SLF1: variants seen among roughly 807,000 people sequenced by gnomAD.
SLF1 encodes the protein SMC5-SMC6 complex localization factor protein 1.
SLF1 carries 105 observed loss-of-function variants against 123.0 expected under a neutral mutation model. That is an observed-to-expected ratio of 0.85 (90% confidence interval 0.73 to 1.00). SLF1 has a LOEUF of 1.00. Among genes scored for constraint, SLF1 ranks in the 50% least tolerant of loss-of-function variants. The pLI is 0.00. For synonymous variants in SLF1, 434 were observed against 406.6 expected (o/e 1.07, Z -0.81); for missense variants, 1,239 against 1,223.0 (o/e 1.01, Z -0.20).
At chr5:94,666,414 A>AT (rs202082815) in intron 12 of SLF1, among the ~76,000 whole-genome samples, 4 of 152,108 alleles carry the variant, frequency 2.6e-5, no homozygotes, top group African/African-American at 9.7e-5. Context: ...CTTCAGTTAT[A>AT]TTTTTTTCAG....
chr5:94,630,602 A>T lies in SLF1; in HGVS notation c.290A>T (p.Asp97Val). 1.3e-6 allele frequency: 2 copies of T among 1,551,706 alleles called. No homozygotes were observed. Among genetic ancestry groups the T allele is most frequent in the Middle Eastern group, 1.7e-4 (1 of 5,992 alleles). The change falls in exon 4 of 21, where the codon GAT becomes GTT. Residue 97 changes from aspartate (D) to valine (V), a missense_variant. By Grantham distance (152) the Asp-to-Val change is radical. Transcript: ENST00000265140. Reference protein sequence around the residue: ...TYEWGYKIEKDSRYSPQMQSA... With the variant: ...TYEWGYKIEKVSRYSPQMQSA... ...GAATGGGGATATAAAATTGAAAAAG[A>T]TTCCCGTTATTCACCTCAAATGCAA...
intron 14 of SLF1, among the ~76,000 whole-genome samples, chr5:94,674,054 C>T (rs1261495236): frequency 6.6e-6 from 1 of 152,104 alleles, no homozygotes; most frequent in Non-Finnish European, 1.5e-5. Context: ...TTGAGTATAG[C>T]ACTTTAAAGC....
intron 1 of SLF1, among the ~76,000 whole-genome samples, chr5:94,621,979 A>G (rs1031781046): frequency 6.6e-6 from 1 of 152,240 alleles, no homozygotes; most frequent in African/African-American, 2.4e-5. Context: ...CTTTAAAAAA[A>G]AAAGTCTGAA....
intron 14 of SLF1, among the ~76,000 whole-genome samples, chr5:94,673,884 A>G (rs1053671161): frequency 4.6e-5 from 7 of 151,940 alleles, no homozygotes; most frequent in African/African-American, 1.7e-4. Context: ...CTCTGAGTAT[A>G]GCTAGATTTG....
intron 14 of SLF1, among the ~76,000 whole-genome samples, chr5:94,671,784 T>G (rs940972271): frequency 6.6e-6 from 1 of 151,954 alleles, no homozygotes; most frequent in Non-Finnish European, 1.5e-5. Flanking sequence ...TTTGGTACTT[T>G]AACCTAGAGT....
At chr5:94,648,684 G>T (rs1747339362) in intron 5 of SLF1, among the ~76,000 whole-genome samples, 1 of 152,076 alleles carries the variant, frequency 6.6e-6, no homozygotes, top group African/African-American at 2.4e-5. Context: ...GTTTCACCAT[G>T]TTGGGCAGGA....
chr5:94,695,442 T>C lies in SLF1; in HGVS notation c.*130T>C. On this transcript the variant is annotated 3_prime_UTR_variant, in exon 21 of 21. Coordinates refer to ENST00000265140, the MANE Select transcript of SLF1 (RefSeq NM_032290.4). ...TGACAGACTTTGCAGCCTTGCTAAATTTTAAAAGCATTTTTAAAAAAACTT... is the reference window on the plus strand; with the variant it reads ...TGACAGACTTTGCAGCCTTGCTAAACTTTAAAAGCATTTTTAAAAAAACTT... 8.7e-7 allele frequency: 1 copy of C among 1,155,870 alleles called. No homozygotes were observed. The highest frequency in any genetic ancestry group is 1.1e-6 in the Non-Finnish European group (1 of 879,490). 71.6% of individuals were successfully genotyped at this position (1,155,870 alleles called of 1,614,324 possible).
chr5:94,654,568 T>A, intron 8 of SLF1, 62 bp from the exon 9 acceptor site: 2 of 1,323,774 alleles, frequency 1.5e-6, no homozygotes, highest in South Asian at 3.4e-5. Context: ...CTTTGTGATA[T>A]CATCTGTGTT....
intron 4 of SLF1, among the ~76,000 whole-genome samples, chr5:94,635,901 T>A (rs1421049305): frequency 6.6e-6 from 1 of 152,216 alleles, no homozygotes; most frequent in African/African-American, 2.4e-5. Flanking sequence ...AGTTTTATAC[T>A]TTTGTATGTT....
intron 9 of SLF1, among the ~76,000 whole-genome samples, chr5:94,661,539 GT>G (rs202036711): frequency 7.9e-4 from 112 of 141,174 alleles, no homozygotes; most frequent in Non-Finnish European, 8.0e-4. Context: ...TTGTTTTTTT[GT>G]TTTTTTTTTT....
chr5:94,666,953 C>CTTTTTT (rs34215806), intron 12 of SLF1, among the ~76,000 whole-genome samples: 8 of 104,586 alleles, frequency 7.6e-5, no homozygotes, highest in South Asian at 3.6e-4. Context: ...CTGGGAAGAT[C>CTTTTTT]TTTTTTTTTT....
chr5:94,666,421 T>G (rs1259520789), intron 12 of SLF1, among the ~76,000 whole-genome samples: 1 of 152,216 alleles, frequency 6.6e-6, no homozygotes, highest in Admixed American at 6.5e-5. Flanking sequence ...TATATTTTTT[T>G]CAGCTAGAAA....
chr5:94,624,352 A>G (rs567129000), intron 1 of SLF1, among the ~76,000 whole-genome samples: 5 of 152,248 alleles, frequency 3.3e-5, no homozygotes, highest in African/African-American at 4.8e-5. Flanking sequence ...TCATTTTACT[A>G]TGGGCTCTTG....
chr5:94,643,503 T>A, intron 5 of SLF1, 68 bp downstream of exon 5: 1 of 1,089,420 alleles, frequency 9.2e-7, no homozygotes, highest in Non-Finnish European at 1.2e-6. Context: ...ACCAACATAG[T>A]AAAATATATA....
At chr5:94,669,613 A>G (rs995596367) in intron 12 of SLF1, among the ~76,000 whole-genome samples, 2 of 152,134 alleles carry the variant, frequency 1.3e-5, no homozygotes, top group Admixed American at 6.5e-5. Flanking sequence ...TCAAGTGTCT[A>G]GTAGAACATA....
At chr5:94,624,219 T>C (rs1173493459) in intron 1 of SLF1, among the ~76,000 whole-genome samples, 1 of 152,186 alleles carries the variant, frequency 6.6e-6, no homozygotes, top group Non-Finnish European at 1.5e-5. Context: ...TTTTTCACCT[T>C]TGTTTCCTAC....
chr5:94,665,936 T>C lies in SLF1; in HGVS notation c.1444T>C (p.Ser482Pro), dbSNP rs1301079820. 6.4e-7 allele frequency: 1 copy of C among 1,551,138 alleles called. No individual in the cohort carries two copies. The highest frequency in any genetic ancestry group is 2.0e-5 in the Admixed American group (1 of 51,004). Residue 482 changes from serine to proline, a missense_variant, in exon 12 of 21, where the codon TCT (serine) becomes CCT (proline). Physicochemically the swap from Ser to Pro is moderately conservative, Grantham distance 74. Coordinates refer to ENST00000265140, the MANE Select transcript of SLF1 (RefSeq NM_032290.4). ...TCTTCACCTGCATCCTCCTTGGAAG[T>C]CTCCAGCCATGTCGAGATATTATTT... ...ALLHLHPPWK[S>P]PAMSRYYLEL...
At chr5:94,642,145 A>G (rs541060917) in intron 4 of SLF1, among the ~76,000 whole-genome samples, 3 of 152,310 alleles carry the variant, frequency 2.0e-5, no homozygotes, top group Non-Finnish European at 2.9e-5. Context: ...TTCTTACCCA[A>G]ATAACTTAAG....
chr5:94,670,122 T>C, intron 12 of SLF1, 29 bp from the exon 13 acceptor site: 3 of 1,521,792 alleles, frequency 2.0e-6, no homozygotes, highest in African/African-American at 1.4e-5. Context: ...TGCTTGTATG[T>C]TATAGATTTT....
Sources: gnomAD v4.1 joint callset for allele counts (sites outside exome capture counted in the v4.1 genomes callset) on GRCh38, gnomAD v4.1.1 for gene constraint, MANE v1.5 for transcripts, NCBI Gene and HGNC (gene_info 2026-07-23, HGNC 2026-07-21) for gene names.